NDUFS1: variants seen among roughly 807,000 people sequenced by gnomAD.
NDUFS1 encodes the protein NADH:ubiquinone oxidoreductase core subunit S1.
A neutral mutation model predicts 84.4 loss-of-function variants in NDUFS1; 61 were observed. The observed-to-expected ratio is 0.72, with a 90% CI of 0.59 to 0.89. The LOEUF (loss-of-function observed/expected upper bound fraction) is 0.89, where lower values mean the gene tolerates loss of function less well. Ranked by LOEUF, NDUFS1 falls within the 40% of genes least tolerant of loss-of-function variation. The probability of loss-of-function intolerance (pLI) is 0.00; values close to 1 mark genes in which losing one functional copy is unlikely to be tolerated. For missense variants in NDUFS1, 891 were observed against 890.0 expected (o/e 1.00, Z -0.01); for synonymous variants, 275 against 290.0 (o/e 0.95, Z 0.53).
chr2:206,137,647 ACATTCT>A (rs1691772930), intron 13 of NDUFS1, among the ~76,000 whole-genome samples: 2 of 152,194 alleles, frequency 1.3e-5, no homozygotes, highest in African/African-American at 4.8e-5. Context: ...TCAGGAATAG[ACATTCT>A]CAAGCAAGCA....
At chr2:206,149,553 G>A (rs1422811016) in intron 4 of NDUFS1, among the ~76,000 whole-genome samples, 1 of 152,074 alleles carries the variant, frequency 6.6e-6, no homozygotes. Flanking sequence ...ATATTATACA[G>A]CCATTTGGAA....
Position 206,147,016 on chromosome 2 carries a change from T to G in NDUFS1, c.624A>C (p.Thr208=), listed in dbSNP as rs767779689. Residue 208 remains threonine (T), a synonymous_variant, in exon 8 of 19, where the codon ACA becomes ACC. Coordinates refer to ENST00000233190, the MANE Select transcript of NDUFS1 (RefSeq NM_005006.7). Reference sequence around the variant, plus strand: ...CAGACATGAACATCTTTTCAATGTATGTGCCAACTTGCATATCATTTCCTC... The same window carrying G: ...CAGACATGAACATCTTTTCAATGTAGGTGCCAACTTGCATATCATTTCCTC... ...TGRGNDMQVG[T]YIEKMFMSEL... is the part of the protein sequence containing the mutation. 11 of 1,614,028 alleles carry G rather than the reference T, an allele frequency of 6.8e-6. No homozygotes were observed. In the East Asian group the frequency reaches 2.2e-4, roughly 33 times the overall value.
At chr2:206,142,501 C>T (rs749642763) in intron 11 of NDUFS1, among the ~76,000 whole-genome samples, 185 bp downstream of exon 11, 11 of 152,242 alleles carry the variant, frequency 7.2e-5, no homozygotes, top group Non-Finnish European at 1.0e-4. Flanking sequence ...AGGCGTGAGC[C>T]ACTGTGCCTG....
intron 14 of NDUFS1, among the ~76,000 whole-genome samples, chr2:206,131,755 C>A (rs1042454095): frequency 1.1e-4 from 16 of 151,910 alleles, no homozygotes; most frequent in African/African-American, 3.6e-4. Flanking sequence ...CTGGCTAACA[C>A]GGTGAAACCC....
At position 206,145,002 on chromosome 2, in the gene NDUFS1, C is replaced by T; in HGVS notation, c.762G>A (p.Met254Ile). 6.2e-7 allele frequency: 1 copy of T among 1,613,968 alleles called. No homozygotes were observed. Among genetic ancestry groups the T allele is most frequent in the Non-Finnish European group, 8.5e-7 (1 of 1,179,954 alleles). Residue 254 changes from methionine (M) to isoleucine (I), a missense_variant, in exon 9 of 19, where the codon ATG (methionine) becomes ATA (isoleucine). Coordinates refer to ENST00000233190, the MANE Select transcript of NDUFS1 (RefSeq NM_005006.7). The part of the protein sequence containing the change: ...ETRKTESIDV[M>I]DAVGSNIVVS... ...CCACAATATTACTTCCAACCGCATC[C>T]ATTACATCAATGGATTCTGTCTTTC... is the stretch of plus-strand genomic sequence containing the variant.
rs576706897 is a variant in NDUFS1, at chr2:206,130,345, C to A, written c.1554-103G>T. ...TTCCTTTCAACAATGTCAAAAAACC[C>A]ATTTTATTTTATTTTATTTTTTTCT... On this transcript the variant is annotated intron_variant, in intron 14 of 18. Coordinates refer to ENST00000233190, the MANE Select transcript of NDUFS1 (RefSeq NM_005006.7). 5.0e-6 allele frequency: 7 copies of A among 1,391,280 alleles called. 1 individual carries two copies. The African/African-American group carries it at 8.9e-5, about 18-fold the overall frequency. 86.2% of individuals were successfully genotyped at this position (1,391,280 alleles called of 1,614,324 possible). A position where few individuals can be genotyped will look rare whatever the true frequency, so the allele number is the denominator to read the frequency against.
intron 10 of NDUFS1, among the ~76,000 whole-genome samples, chr2:206,143,236 C>T (rs1311347143): frequency 3.3e-5 from 5 of 152,014 alleles, no homozygotes; most frequent in African/African-American, 9.7e-5. Context: ...CCAGCCTGGG[C>T]GACAACAGCA....
intron 12 of NDUFS1, 139 bp from the exon 13 acceptor site, chr2:206,138,753 AC>A: frequency 1.0e-6 from 1 of 970,902 alleles, no homozygotes; most frequent in Non-Finnish European, 1.6e-6. Context: ...ATGATTTACT[AC>A]GTACCTTTCA....
At chr2:206,137,405 G>A (rs1419874893) in intron 13 of NDUFS1, among the ~76,000 whole-genome samples, 1 of 151,912 alleles carries the variant, frequency 6.6e-6, no homozygotes, top group East Asian at 1.9e-4. Context: ...GGAGGCAGAG[G>A]TTGCAATGAG....
intron 15 of NDUFS1, among the ~76,000 whole-genome samples, chr2:206,129,588 T>G (rs1408712980): frequency 6.7e-6 from 1 of 150,086 alleles, no homozygotes; most frequent in Non-Finnish European, 1.5e-5. Flanking sequence ...TATATTTTGG[T>G]TTAACTTTTT....
intron 1 of NDUFS1, among the ~76,000 whole-genome samples, chr2:206,157,706 AAC>A (rs1687715265): frequency 6.6e-6 from 1 of 152,368 alleles, no homozygotes; most frequent in South Asian, 2.1e-4. Flanking sequence ...AGCATAGCCC[AAC>A]ATAAGAAATA....
Position 206,148,435 on chromosome 2 carries a change from A to C in NDUFS1, c.338+585T>G, listed in dbSNP as rs188203500. Among the ~76,000 whole-genome samples the C allele has an allele frequency of 3.0e-3, 460 of 152,162 alleles. 2 individuals are homozygous for C. Among genetic ancestry groups the C allele is most frequent in the African/African-American group, 9.5e-3 (393 of 41,526 alleles). ...ATCATTCTGGTAGTATTAAACACAC[A>C]ATCTGGAAAATGCTTAGAGGAGCCT... On this transcript the variant is annotated intron_variant, in intron 5 of 18. Transcript: ENST00000233190.
At chr2:206,138,843 C>T (rs893403321) in intron 12 of NDUFS1, among the ~76,000 whole-genome samples, 4 of 152,214 alleles carry the variant, frequency 2.6e-5, no homozygotes, top group Non-Finnish European at 5.9e-5. Flanking sequence ...AGACCAGGCG[C>T]AGTGGCTCAC....
rs1226748515 is a variant in NDUFS1 at position 206,126,699 on chromosome 2, C to T, written c.2019+11G>A. On this transcript the variant is annotated intron_variant, in intron 17 of 18. Coordinates refer to ENST00000233190, the MANE Select transcript of NDUFS1 (RefSeq NM_005006.7). ...CAACATTATGAAAACTGCTCATAGG[C>T]GAGCTGTTACCTTTGAGAGCTCATT... The T allele has an allele frequency of 2.5e-6, 4 of 1,613,930 alleles. No homozygotes were observed. The highest frequency in any genetic ancestry group is 1.3e-5 in the African/African-American group (1 of 74,882).
At chr2:206,133,248 A>C in intron 13 of NDUFS1, 143 bp from the exon 14 acceptor site, 1 of 659,034 alleles carries the variant, frequency 1.5e-6, no homozygotes, top group East Asian at 2.7e-5. Context: ...ACATACAGAC[A>C]CACATATACA....
At chr2:206,154,915 C>G (rs1261999262) in intron 1 of NDUFS1, among the ~76,000 whole-genome samples, 1 of 145,878 alleles carries the variant, frequency 6.9e-6, no homozygotes, top group Non-Finnish European at 1.5e-5. Context: ...AGCCACCGTG[C>G]CCGGCCCTTT....
At chr2:206,139,871 T>TAAAAAAAAAA (rs35564839) in intron 12 of NDUFS1, among the ~76,000 whole-genome samples, 10 of 103,580 alleles carry the variant, frequency 9.7e-5, no homozygotes, top group East Asian at 2.7e-4. Flanking sequence ...CTTGTGTTCT[T>TAAAAAAAAAA]AAAAAAAAAA....
chr2:206,144,923 T>C lies in NDUFS1; in HGVS notation c.841A>G (p.Ile281Val), dbSNP rs1692098879. The change falls in exon 9 of 19, where the codon ATC becomes GTC. Residue 281 changes from isoleucine (I) to valine (V), a missense_variant. Physicochemically the swap from Ile to Val is conservative, Grantham distance 29. Transcript: ENST00000233190. ...TTATCAGAGATCCACTCTTCATTGA[T>C]GTCCTCATGCATACGTGGCAAAATC... ...MRILPRMHED[I>V]NEEWISDKTR... 6 of 1,614,104 alleles carry C rather than the reference T, an allele frequency of 3.7e-6. No homozygotes were observed. Among genetic ancestry groups the C allele is most frequent in the Non-Finnish European group, 5.1e-6 (6 of 1,179,994 alleles).
chr2:206,130,270 T>A (rs774359216), intron 14 of NDUFS1, 28 bp from the exon 15 acceptor site: 1 of 1,613,242 alleles, frequency 6.2e-7, no homozygotes, highest in South Asian at 1.1e-5. Context: ...AATTTTACCA[T>A]AACTGCAGTA....
Sources: gnomAD v4.1 joint callset for allele counts (sites outside exome capture counted in the v4.1 genomes callset) on GRCh38, gnomAD v4.1.1 for gene constraint, MANE v1.5 for transcripts, NCBI Gene and HGNC (gene_info 2026-07-23, HGNC 2026-07-21) for gene names.